The following DEPDC4 variants were observed in gnomAD, a reference collection of about 807,000 sequenced individuals.
DEPDC4 encodes DEP domain containing 4.
A neutral mutation model predicts 52.0 loss-of-function variants in DEPDC4; 52 were observed. That is an observed-to-expected ratio of 1.00 (90% confidence interval 0.80 to 1.26). The LOEUF (loss-of-function observed/expected upper bound fraction) is 1.26. Among genes scored for constraint, DEPDC4 ranks in the 50% most tolerant of loss-of-function variants. The pLI, the probability that DEPDC4 is intolerant of heterozygous loss-of-function variation, is 0.00. For synonymous variants in DEPDC4, 201 were observed against 196.8 expected (o/e 1.02, Z -0.18); for missense variants, 530 against 546.9 (o/e 0.97, Z 0.31).
rs138451949 is a variant in DEPDC4, at chr12:100,240,612, AAG to A, written c.*1278_*1279del. ...GCAAGAAAAAAGTGAAAGAGCTGGA[AAG>A]AGAGAGAGAAAGAGGAAAGAAAAGG... On this transcript the variant is annotated 3_prime_UTR_variant, in exon 10 of 10. Coordinates refer to ENST00000550587, the MANE Select transcript of DEPDC4 (RefSeq NM_001364818.2). Among the ~76,000 whole-genome samples, 1 of 152,206 alleles carries A rather than the reference AAG, an allele frequency of 6.6e-6. No individual in the cohort carries two copies. The highest frequency in any genetic ancestry group is 1.5e-5 in the Non-Finnish European group (1 of 68,044).
At chr12:100,266,087 AAATT>A (rs2096271631) in intron 1 of DEPDC4, among the ~76,000 whole-genome samples, 1 of 152,138 alleles carries the variant, frequency 6.6e-6, no homozygotes. Flanking sequence ...AATTTAATTA[AAATT>A]AATTAAAAAA....
At chr12:100,236,539 GT>G (rs546414683), downstream of DEPDC4, among the ~76,000 whole-genome samples, 861 of 151,936 alleles carry the variant, frequency 5.7e-3, 5 homozygotes, top group South Asian at 0.014. Flanking sequence ...TGATGGGATT[GT>G]TTTTTTCTTA....
the DEPDC4 span, among the ~76,000 whole-genome samples, chr12:100,274,411 A>G: frequency 5.3e-5 from 8 of 152,314 alleles, no homozygotes; most frequent in South Asian, 2.1e-4. Context: ...GAGTTTATCA[A>G]TTGAAATAAA....
At chr12:100,281,833 CAAA>C in the DEPDC4 span, among the ~76,000 whole-genome samples, 11 of 59,354 alleles carry the variant, frequency 1.9e-4, no homozygotes, top group Admixed American at 3.9e-4. Flanking sequence ...GACTCCGTCT[CAAA>C]AAAAAAAAAA....
downstream of DEPDC4, among the ~76,000 whole-genome samples, chr12:100,236,016 C>G (rs4764970): frequency 6.6e-6 from 1 of 152,084 alleles, no homozygotes; most frequent in Admixed American, 6.5e-5. Flanking sequence ...TGCGAATGCC[C>G]TTAATTCATT....
At chr12:100,274,722 C>A in the DEPDC4 span, among the ~76,000 whole-genome samples, 1 of 152,082 alleles carries the variant, frequency 6.6e-6, no homozygotes, top group Non-Finnish European at 1.5e-5. Flanking sequence ...AAATTGTGAA[C>A]AAAGAAGTGG....
intron 2 of DEPDC4, among the ~76,000 whole-genome samples, chr12:100,262,678 G>A (rs759156539): frequency 3.3e-5 from 5 of 152,124 alleles, no homozygotes; most frequent in African/African-American, 4.8e-5. Flanking sequence ...TTTGTTCTGA[G>A]TTTCCAGAAA....
chr12:100,249,078 T>G, intron 7 of DEPDC4, 100 bp from the exon 8 acceptor site: 1 of 334,960 alleles, frequency 3.0e-6, no homozygotes, highest in African/African-American at 2.2e-5. Flanking sequence ...GACCAATGAG[T>G]AGAGGGAGAG....
the DEPDC4 span, among the ~76,000 whole-genome samples, chr12:100,278,192 T>TTTTTG: frequency 9.2e-5 from 14 of 152,282 alleles, no homozygotes; most frequent in Admixed American, 4.6e-4. Flanking sequence ...CTTTAAGTTT[T>TTTTTG]TTTTGTTTTG....
chr12:100,233,413 G>A (rs1302685299), intron 9 of DEPDC4, among the ~76,000 whole-genome samples: 1 of 152,112 alleles, frequency 6.6e-6, no homozygotes, highest in Non-Finnish European at 1.5e-5. Context: ...CAGATTTCAC[G>A]ACCAACTTTA....
chr12:100,255,765 A>G (rs1458009878), intron 4 of DEPDC4: 2 of 199,650 alleles, frequency 1.0e-5, no homozygotes, highest in Non-Finnish European at 2.0e-5. Flanking sequence ...TGGTTGCATT[A>G]TTTAGGGTAA....
the DEPDC4 span, among the ~76,000 whole-genome samples, chr12:100,281,011 C>G: frequency 1.4e-5 from 2 of 142,220 alleles, no homozygotes; most frequent in African/African-American, 2.8e-5. Context: ...TGTCCCTTTA[C>G]CATCAGTGTT....
chr12:100,267,260 C>T, upstream of DEPDC4: 1 of 620,152 alleles, frequency 1.6e-6, no homozygotes, highest in South Asian at 2.2e-5. Context: ...TTTGCGGCCG[C>T]GGGGGCGGCG....
At chr12:100,241,879 A>G in intron 9 of DEPDC4, 34 bp from the exon 10 acceptor site, 1 of 1,173,754 alleles carries the variant, frequency 8.5e-7, no homozygotes, top group East Asian at 6.6e-5. Context: ...AAGAAAAAGA[A>G]AAGTACCACT....
intron 9 of DEPDC4, among the ~76,000 whole-genome samples, chr12:100,232,144 C>T (rs944509372): frequency 6.6e-6 from 1 of 152,288 alleles, no homozygotes; most frequent in South Asian, 2.1e-4. Flanking sequence ...GTAATCCCAG[C>T]ACTCTGGGAG....
Position 100,256,133 on chromosome 12 carries a change from T to A in DEPDC4, c.794A>T (p.Asn265Ile). 6.2e-7 allele frequency: 1 copy of A among 1,613,214 alleles called. No homozygotes were observed. The highest frequency in any genetic ancestry group is 1.7e-5 in the Admixed American group (1 of 60,012). The part of the protein sequence containing the change: ...NILEPPVKTQ[N>I]LQLNKEEDLV... ...ATCTTCCTCTTTGTTTAGTTGAAGA[T>A]TTTGTGTTTTAACTGGAGGCTCCAA... The change falls in exon 4 of 10, where the codon AAT becomes ATT. Residue 265 changes from asparagine (N) to isoleucine (I), a missense_variant. Transcript: ENST00000550587.
the DEPDC4 span, among the ~76,000 whole-genome samples, chr12:100,280,071 A>G: frequency 1.3e-5 from 2 of 152,120 alleles, no homozygotes; most frequent in Non-Finnish European, 2.9e-5. Flanking sequence ...CTCTGGGGCA[A>G]TCCTGGTTCT....
the DEPDC4 span, among the ~76,000 whole-genome samples, chr12:100,278,559 C>T: frequency 5.5e-3 from 840 of 151,418 alleles, 8 homozygotes; most frequent in South Asian, 0.029. Context: ...CTGACAGTTT[C>T]GTTTAGCAGT....
chr12:100,276,281 A>G, the DEPDC4 span, among the ~76,000 whole-genome samples: 1 of 152,082 alleles, frequency 6.6e-6, no homozygotes. Flanking sequence ...TAGAATCTGT[A>G]GAATTTCTGT....
Sources: allele counts gnomAD v4.1 joint callset (sites outside exome capture counted in the v4.1 genomes callset), GRCh38; gene constraint gnomAD v4.1.1; transcripts MANE v1.5; gene names NCBI Gene and HGNC (gene_info 2026-07-23, HGNC 2026-07-21).